The following NFIL3 variants were observed in gnomAD, a reference collection of about 807,000 sequenced individuals.
NFIL3 encodes the protein nuclear factor, interleukin 3 regulated, also known as nuclear factor interleukin-3-regulated protein.
In NFIL3, 5 loss-of-function variants were observed where a neutral mutation model predicts 10.0. The ratio of observed to expected loss-of-function variants is 0.50; its 90% CI spans 0.26 to 1.06. The LOEUF is 1.06. Among genes scored for constraint, NFIL3 ranks in the 50% least tolerant of loss-of-function variants. NFIL3 has a pLI of 0.13. For missense variants in NFIL3, 436 were observed against 547.6 expected (o/e 0.80, Z 2.03); for synonymous variants, 202 against 206.5 (o/e 0.98, Z 0.19).
At chr9:91,424,483 G>A (rs2118059039), upstream of NFIL3, among the ~76,000 whole-genome samples, 1 of 152,290 alleles carries the variant, frequency 6.6e-6, no homozygotes, top group East Asian at 1.9e-4. Context: ...CTGCGGCGGG[G>A]AAGGGGTTGG....
chr9:91,435,739 T>C, the NFIL3 span, among the ~76,000 whole-genome samples: 1 of 152,344 alleles, frequency 6.6e-6, no homozygotes, highest in Admixed American at 6.5e-5. Flanking sequence ...TTACTGAGAC[T>C]TTCAGTGAAC....
At chr9:91,455,566 A>G in the NFIL3 span, among the ~76,000 whole-genome samples, 123 of 151,788 alleles carry the variant, frequency 8.1e-4, no homozygotes, top group Non-Finnish European at 1.3e-3. Flanking sequence ...TTTATTCCAA[A>G]CCCTTCATCT....
chr9:91,436,601 CAACAACAACAACAACAACAAA>C, the NFIL3 span, among the ~76,000 whole-genome samples: 48 of 151,122 alleles, frequency 3.2e-4, no homozygotes, highest in African/African-American at 1.1e-3. Flanking sequence ...ACAACAACAA[CAACAACAACAACAACAACAAA>C]GAGTTGAAGG....
At chr9:91,465,309 C>A in the NFIL3 span, among the ~76,000 whole-genome samples, 48 of 152,068 alleles carry the variant, frequency 3.2e-4, no homozygotes, top group African/African-American at 1.1e-3. Context: ...CTTCACATTT[C>A]AGTTTGTGAA....
upstream of NFIL3, among the ~76,000 whole-genome samples, chr9:91,424,500 C>T (rs1259290997): frequency 6.6e-6 from 1 of 152,120 alleles, no homozygotes; most frequent in East Asian, 1.9e-4. Flanking sequence ...TTGGCGCGGC[C>T]GGGCAGCTGC....
At chr9:91,437,136 C>A in the NFIL3 span, among the ~76,000 whole-genome samples, 1 of 152,222 alleles carries the variant, frequency 6.6e-6, no homozygotes. Context: ...GCCCACCGCT[C>A]ATCTCCTGCT....
At chr9:91,436,036 T>A in the NFIL3 span, among the ~76,000 whole-genome samples, 1 of 152,184 alleles carries the variant, frequency 6.6e-6, no homozygotes, top group Admixed American at 6.5e-5. Context: ...ACAGAATCTG[T>A]GGCAAGTCAG....
At chr9:91,476,713 C>T in the NFIL3 span, among the ~76,000 whole-genome samples, 3 of 152,144 alleles carry the variant, frequency 2.0e-5, no homozygotes, top group East Asian at 5.8e-4. Flanking sequence ...GCTGAAAAGG[C>T]ATTCAATACA....
At chr9:91,439,728 T>C in the NFIL3 span, among the ~76,000 whole-genome samples, 1 of 152,182 alleles carries the variant, frequency 6.6e-6, no homozygotes, top group Non-Finnish European at 1.5e-5. Flanking sequence ...ACAAAGGATG[T>C]TGGACTTCGT....
At chr9:91,433,663 C>A in the NFIL3 span, among the ~76,000 whole-genome samples, 4 of 152,032 alleles carry the variant, frequency 2.6e-5, no homozygotes, top group African/African-American at 9.7e-5. Flanking sequence ...TACTCCTGGG[C>A]TTCTTGAACA....
At chr9:91,467,449 C>A in the NFIL3 span, among the ~76,000 whole-genome samples, 1 of 152,110 alleles carries the variant, frequency 6.6e-6, no homozygotes, top group East Asian at 1.9e-4. Flanking sequence ...AAGCAATTGA[C>A]TTTTGTATAT....
At chr9:91,421,326 G>T (rs916122062) in intron 1 of NFIL3, among the ~76,000 whole-genome samples, 1 of 151,758 alleles carries the variant, frequency 6.6e-6, no homozygotes, top group Non-Finnish European at 1.5e-5. Context: ...GGTCCCTAGC[G>T]CCCGGGCTCC....
chr9:91,464,895 C>G, the NFIL3 span, among the ~76,000 whole-genome samples: 2 of 152,128 alleles, frequency 1.3e-5, no homozygotes, highest in South Asian at 4.1e-4. Flanking sequence ...AAAAACTAAT[C>G]TCTATCTTTG....
chr9:91,474,250 C>A, the NFIL3 span, among the ~76,000 whole-genome samples: 1 of 151,964 alleles, frequency 6.6e-6, no homozygotes, highest in South Asian at 2.1e-4. Context: ...GATTATGTTA[C>A]TTGATTTTTG....
the NFIL3 span, among the ~76,000 whole-genome samples, chr9:91,436,576 T>TCAACAACAA: frequency 8.9e-4 from 124 of 138,716 alleles, no homozygotes; most frequent in East Asian, 1.9e-3. Context: ...AGACTCTGCC[T>TCAACAACAA]CAACAACAAC....
the NFIL3 span, among the ~76,000 whole-genome samples, chr9:91,447,241 A>C: frequency 1.3e-5 from 2 of 152,212 alleles, no homozygotes; most frequent in East Asian, 3.8e-4. Flanking sequence ...TGATGGATAC[A>C]TGGGTAGTCT....
chr9:91,431,288 G>C, the NFIL3 span, among the ~76,000 whole-genome samples: 46 of 152,190 alleles, frequency 3.0e-4, no homozygotes, highest in Non-Finnish European at 5.9e-4. Flanking sequence ...CTCTAGAGCT[G>C]GGTGGCCATG....
the NFIL3 span, among the ~76,000 whole-genome samples, chr9:91,434,825 T>C: frequency 1.3e-5 from 2 of 152,280 alleles, no homozygotes; most frequent in South Asian, 2.1e-4. Context: ...CAAAAATCGC[T>C]TGTACTCTTA....
the NFIL3 span, among the ~76,000 whole-genome samples, chr9:91,430,509 G>A: frequency 1.1e-4 from 16 of 152,294 alleles, no homozygotes; most frequent in South Asian, 2.1e-4. Flanking sequence ...GAATACTGTC[G>A]CGGTGTGGTA....
Sources: gnomAD v4.1 joint callset for allele counts (sites outside exome capture counted in the v4.1 genomes callset) on GRCh38, gnomAD v4.1.1 for gene constraint, MANE v1.5 for transcripts, NCBI Gene and HGNC (gene_info 2026-07-23, HGNC 2026-07-21) for gene names.